Variants in LRRC47 observed in about 807,000 individuals in gnomAD.
LRRC47 encodes leucine-rich repeat-containing protein 47.
Under a neutral mutation model 40.9 loss-of-function variants are expected in LRRC47, and 31 were observed. That is an observed-to-expected ratio of 0.76 (90% CI 0.57 to 1.02). The LOEUF (loss-of-function observed/expected upper bound fraction) is 1.02, where lower values mean the gene tolerates loss of function less well. LRRC47 is among the 50% of genes least tolerant of loss of function. LRRC47 has a pLI of 0.00. For missense variants in LRRC47, 726 were observed against 796.1 expected (o/e 0.91, Z 1.06); for synonymous variants, 427 against 371.9 (o/e 1.15, Z -1.70).
Position 3,787,293 on chromosome 1 carries a change from G to A in LRRC47, c.633C>T (p.Asn211=). 1 of 1,611,774 alleles carries A rather than the reference G, an allele frequency of 6.2e-7. No homozygotes were observed. Among genetic ancestry groups the A allele is most frequent in the Non-Finnish European group, 8.5e-7 (1 of 1,179,766 alleles). ...CTGCAGGGATCTCGCTCAGCTGGTT[G>A]TTCGAGAGGTCCAACGTCTGCAAAG... ...LASLKTLDLS[N]NQLSEIPAEL... Residue 211 remains asparagine, a synonymous_variant, in exon 2 of 7, where the codon AAC becomes AAT. Transcript: ENST00000378251.
At position 3,785,108 on chromosome 1, in the gene LRRC47, G is replaced by A. The variant is rs780935600; in HGVS notation, c.1173C>T (p.Ala391=). Residue 391 remains alanine (A), a synonymous_variant, in exon 3 of 7, where the codon GCC becomes GCT. Transcript: ENST00000378251. ...GCACCTTGAGGTCCTGTGGGGGCCG[G>A]GCGCAGTACAGCAGGGGCCCTTTGA... ...RAVKGPLLYC[A]RPPQDLKIVP... is the part of the protein sequence containing the mutation. 12 of 1,599,722 alleles carry A rather than the reference G, an allele frequency of 7.5e-6. No homozygotes were observed. The highest frequency in any genetic ancestry group is 5.4e-5 in the African/African-American group (4 of 73,676).
At chr1:3,794,236 T>C (rs1203615094) in intron 1 of LRRC47, among the ~76,000 whole-genome samples, 3 of 152,170 alleles carry the variant, frequency 2.0e-5, no homozygotes, top group African/African-American at 7.2e-5. Context: ...GTCTCCACTT[T>C]AGCTGGCTCT....
chr1:3,786,808 A>T, intron 2 of LRRC47, 41 bp downstream of exon 2: 1 of 1,513,670 alleles, frequency 6.6e-7, no homozygotes, highest in Non-Finnish European at 8.9e-7. Flanking sequence ...GGCGTCTCAC[A>T]CCTCTGTCCC....
At position 3,780,283 on chromosome 1, in the gene LRRC47, C is replaced by T. The variant is rs1052903298; in HGVS notation, c.*805G>A. 6.6e-6 allele frequency: 1 copy of T among 152,206 alleles called. No individual in the cohort carries two copies. The highest frequency in any genetic ancestry group is 2.4e-5 in the African/African-American group (1 of 41,444). The allele number at this position is 152,206 out of a possible 1,614,324, so 9.4% of individuals were successfully genotyped here. A position where few individuals can be genotyped will look rare whatever the true frequency, so the allele number is the denominator to read the frequency against. ...AAAACCAAGTGTCCCAGCAGCATGACTGAACATCACTCACTTCCCCTACTT... is the reference window on the plus strand; with the variant it reads ...AAAACCAAGTGTCCCAGCAGCATGATTGAACATCACTCACTTCCCCTACTT... On this transcript the variant is annotated 3_prime_UTR_variant, in exon 7 of 7. Coordinates refer to ENST00000378251, the MANE Select transcript of LRRC47 (RefSeq NM_020710.3).
chr1:3,790,135 G>A (rs917648188), intron 1 of LRRC47, among the ~76,000 whole-genome samples: 3 of 152,248 alleles, frequency 2.0e-5, no homozygotes, highest in African/African-American at 4.8e-5. Context: ...CTCTGGCCTG[G>A]CATACCGGCT....
In LRRC47 at chr1:3,784,021, G is replaced by A. The variant is rs751509865; in HGVS notation, c.1285C>T (p.Arg429Trp). The A allele has an allele frequency of 1.2e-5, 19 of 1,610,074 alleles. No homozygotes were observed. Among genetic ancestry groups the A allele is most frequent in the Admixed American group, 1.7e-5 (1 of 59,956 alleles). Residue 429 changes from arginine (R) to tryptophan (W), a missense_variant, in exon 4 of 7, where the codon CGG becomes TGG. By Grantham distance (101) the Arg-to-Trp change is moderately radical. Coordinates refer to ENST00000378251, the MANE Select transcript of LRRC47 (RefSeq NM_020710.3). ...CTGTGCAGGCCCGACACACTCTGCC[G>A]CTTCTTCTGCTTCCTCTGCTCCTCG... is the stretch of plus-strand genomic sequence containing the variant. ...EAEEQRKQKK[R>W]QSVSGLHRYL...
At chr1:3,795,319 G>A (rs369454349) in intron 1 of LRRC47, among the ~76,000 whole-genome samples, 1 of 152,200 alleles carries the variant, frequency 6.6e-6, no homozygotes, top group East Asian at 1.9e-4. Flanking sequence ...ATAGTCTGGA[G>A]AAAAACCCAA....
At chr1:3,782,975 G>C (rs1348156106) in intron 4 of LRRC47, 1 of 578,842 alleles carries the variant, frequency 1.7e-6, no homozygotes, top group Non-Finnish European at 3.1e-6. Flanking sequence ...GGACCACCAG[G>C]CTGCCTAAAG....
intron 1 of LRRC47, among the ~76,000 whole-genome samples, chr1:3,793,923 G>T (rs201093010): frequency 6.6e-6 from 1 of 152,168 alleles, no homozygotes; most frequent in Non-Finnish European, 1.5e-5. Context: ...TCGGCCGGGC[G>T]CGGTGGCTCA....
At position 3,786,846 on chromosome 1, in the gene LRRC47, C is replaced by T; in HGVS notation, c.1077+3G>A. 4 of 1,580,564 alleles carry T rather than the reference C, an allele frequency of 2.5e-6. No homozygotes were observed. Among genetic ancestry groups the T allele is most frequent in the Non-Finnish European group, 3.4e-6 (4 of 1,161,552 alleles). ...TCATCTGAGGACCCCCACGGGCACC[C>T]ACCTGCGAGGTGAGGAAGCGCTTGA... On this transcript the variant is annotated splice_donor_region_variant and intron_variant, in intron 2 of 6. Coordinates refer to ENST00000378251, the MANE Select transcript of LRRC47 (RefSeq NM_020710.3).
At chr1:3,790,792 T>C (rs1039552730) in intron 1 of LRRC47, among the ~76,000 whole-genome samples, 5 of 151,978 alleles carry the variant, frequency 3.3e-5, no homozygotes, top group Non-Finnish European at 7.4e-5. Context: ...GGCTTGGGGG[T>C]GCTCCCTGGG....
intron 2 of LRRC47, among the ~76,000 whole-genome samples, chr1:3,786,603 C>T (rs79889253): frequency 2.0e-5 from 3 of 152,192 alleles, no homozygotes; most frequent in Non-Finnish European, 4.4e-5. Flanking sequence ...TGTGAAGAGG[C>T]CATCTCCACG....
At chr1:3,792,855 A>G (rs971809189) in intron 1 of LRRC47, among the ~76,000 whole-genome samples, 1 of 152,250 alleles carries the variant, frequency 6.6e-6, no homozygotes, top group African/African-American at 2.4e-5. Context: ...ATGTTAAGAT[A>G]CATGCCTAGT....
chr1:3,792,893 ATC>A (rs1368086421), intron 1 of LRRC47, among the ~76,000 whole-genome samples: 1 of 152,264 alleles, frequency 6.6e-6, no homozygotes, highest in Non-Finnish European at 1.5e-5. Flanking sequence ...AACCAAAAGT[ATC>A]TGTCAGGTGG....
chr1:3,782,159 A>G (rs1046033229), intron 5 of LRRC47, among the ~76,000 whole-genome samples: 2 of 151,998 alleles, frequency 1.3e-5, no homozygotes, highest in African/African-American at 4.8e-5. Flanking sequence ...TATTGCACAC[A>G]ATGAAACCTC....
chr1:3,786,896 T>C lies in LRRC47; in HGVS notation c.1030A>G (p.Met344Val). 6.2e-7 allele frequency: 1 copy of C among 1,605,860 alleles called. No individual in the cohort carries two copies. The highest frequency in any genetic ancestry group is 8.5e-7 in the Non-Finnish European group (1 of 1,176,466). ...AGTGCATTCCCTGGCTGCAGGTCCA[T>C]GCCTCGCACCACGGCCCCCACAATG... ...PYIVGAVVRG[M>V]DLQPGNALKR... The change falls in exon 2 of 7, where the codon ATG becomes GTG. Residue 344 changes from methionine (M) to valine (V), a missense_variant. Transcript: ENST00000378251.
intron 1 of LRRC47, among the ~76,000 whole-genome samples, chr1:3,790,838 G>A (rs1030341006): frequency 7.2e-5 from 11 of 152,196 alleles, no homozygotes; most frequent in African/African-American, 2.7e-4. Flanking sequence ...GAGCCAGGCC[G>A]AGCTGCTTCC....
chr1:3,786,821 T>C, intron 2 of LRRC47, 28 bp downstream of exon 2: 1 of 1,544,646 alleles, frequency 6.5e-7, no homozygotes, highest in Non-Finnish European at 8.8e-7. Flanking sequence ...TCTGTCCCAG[T>C]CATCTGAGGA....
At position 3,779,995 on chromosome 1, in the gene LRRC47, G is replaced by A. The variant is rs1328081683; in HGVS notation, c.*1093C>T. The A allele has an allele frequency of 1.3e-5, 2 of 152,118 alleles. No homozygotes were observed. The highest frequency in any genetic ancestry group is 4.8e-5 in the African/African-American group (2 of 41,406). 9.4% of individuals were successfully genotyped at this position (152,118 alleles called of 1,614,324 possible). ...CCAAGATTATGATCACTGCCAGCTG[G>A]AGAACCCAACGCCCTTGCACATGCC... On this transcript the variant is annotated 3_prime_UTR_variant, in exon 7 of 7. Coordinates refer to ENST00000378251, the MANE Select transcript of LRRC47 (RefSeq NM_020710.3).
Sources: allele counts gnomAD v4.1 joint callset (sites outside exome capture counted in the v4.1 genomes callset), GRCh38; gene constraint gnomAD v4.1.1; transcripts MANE v1.5; gene names NCBI Gene and HGNC (gene_info 2026-07-23, HGNC 2026-07-21).